Variants in XRCC1 observed in about 807,000 individuals in gnomAD.
The protein encoded by XRCC1 is X-ray repair cross complementing 1.
A neutral mutation model predicts 83.3 loss-of-function variants in XRCC1; 52 were observed. The observed-to-expected ratio is 0.62, with a 90% CI of 0.50 to 0.79. The LOEUF is 0.79. Ranked by LOEUF, XRCC1 falls within the 30% of genes least tolerant of loss-of-function variation. The pLI is 0.00. For missense variants in XRCC1, 793 were observed against 823.5 expected, an observed-to-expected ratio of 0.96 and a Z score of 0.45; for synonymous variants, 281 against 312.6, an observed-to-expected ratio of 0.90 and a Z score of 1.07.
Position 43,560,997 on chromosome 19 carries a change from G to A in XRCC1, c.168C>T (p.His56=), listed in dbSNP as rs2307185. ...AGCCATCATTCCCAATGTCCACACT[G>A]TGTATCTGCTCCTCCTTCTCCAACT... ...VLQLEKEEQI[H]SVDIGNDGSA... is the part of the protein sequence containing the mutation. The change falls in exon 3 of 17, where the codon CAC becomes CAT. Residue 56 remains histidine (H), a synonymous_variant. Transcript: ENST00000262887. 3.3e-5 allele frequency: 53 copies of A among 1,614,174 alleles called. No homozygotes were observed. In the South Asian group the frequency reaches 5.7e-4, roughly 17 times the overall value.
rs200434385 is a variant in XRCC1 at position 43,544,265 on chromosome 19, T to G, written c.1622-31A>C. On this transcript the variant is annotated intron_variant, in intron 14 of 16. Coordinates refer to ENST00000262887, the MANE Select transcript of XRCC1 (RefSeq NM_006297.3). Reference sequence around the variant, plus strand: ...GGAGAGAAGGGGGCTAAGGTAAGCATGAGGCCCCAGGAGTTCCCAGGCACC... The same window carrying G: ...GGAGAGAAGGGGGCTAAGGTAAGCAGGAGGCCCCAGGAGTTCCCAGGCACC... The G allele has an allele frequency of 6.0e-5, 95 of 1,575,776 alleles. No homozygotes were observed. In the East Asian group the frequency reaches 2.1e-3, roughly 35 times the overall value.
chr19:43,548,141 CTCCAGGAGGGAG>C (rs1972535717), intron 10 of XRCC1, among the ~76,000 whole-genome samples: 1 of 150,452 alleles, frequency 6.6e-6, no homozygotes, highest in African/African-American at 2.4e-5. Context: ...CCAGCCGCCC[CTCCAGGAGGGAG>C]GTGGGGGGCG....
In XRCC1 at chr19:43,560,951, C is replaced by T. The variant is rs751841215; in HGVS notation, c.214G>A (p.Val72Met). The T allele has an allele frequency of 1.2e-6, 2 of 1,614,232 alleles. No individual in the cohort carries two copies. Among genetic ancestry groups the T allele is most frequent in the Non-Finnish European group, 1.7e-6 (2 of 1,180,042 alleles). Residue 72 changes from valine (V) to methionine (M), a missense_variant, in exon 3 of 17, where the codon GTG becomes ATG. By Grantham distance (21) the Val-to-Met change is conservative (BLOSUM62 1). Transcript: ENST00000262887. ...NDGSAFVEVL[V>M]GSSAGGAGEQ... ...CCAGCGCCTCCAGCTGAACTGCCCA[C>T]CAGCACCTCCACGAAAGCTGAGCCA...
At chr19:43,564,290 C>CAA (rs1555770291) in intron 2 of XRCC1, among the ~76,000 whole-genome samples, 1 of 152,168 alleles carries the variant, frequency 6.6e-6, no homozygotes, top group Non-Finnish European at 1.5e-5. Flanking sequence ...AGTTACTACT[C>CAA]AAGAGTTATT....
At chr19:43,555,445 C>T (rs897060629) in intron 3 of XRCC1, 17 of 152,234 alleles carry the variant, frequency 1.1e-4, no homozygotes, top group African/African-American at 4.1e-4. Flanking sequence ...CTGTGAGCAT[C>T]ACCCCCAGTT....
chr19:43,543,553 G>A (rs368112519), intron 16 of XRCC1, 48 bp from the exon 17 acceptor site: 630 of 1,613,174 alleles, frequency 3.9e-4, no homozygotes, highest in Non-Finnish European at 5.1e-4. Context: ...TCGAGGGGAG[G>A]ACGGAGGAGA....
In XRCC1 at chr19:43,553,520, C is replaced by T. The variant is rs1972604333; in HGVS notation, c.490-8G>A. On this transcript the variant is annotated splice_polypyrimidine_tract_variant and splice_region_variant and intron_variant, in intron 5 of 16. Coordinates refer to ENST00000262887, the MANE Select transcript of XRCC1 (RefSeq NM_006297.3). The stretch of plus-strand genomic sequence containing the variant: ...CTTGGTCACTGTCACCTTCTAAGGT[C>T]CCGCAAGGTCAGTATTATAGGTGGG... 1 of 1,614,122 alleles carries T rather than the reference C, an allele frequency of 6.2e-7. No individual in the cohort carries two copies. Among genetic ancestry groups the T allele is most frequent in the South Asian group, 1.1e-5 (1 of 91,080 alleles).
At chr19:43,574,595 T>G in intron 2 of XRCC1, 1 of 312,704 alleles carries the variant, frequency 3.2e-6, no homozygotes, top group Admixed American at 4.0e-5. Flanking sequence ...CTTCCAGCCC[T>G]GAGCCCACTG....
chr19:43,570,918 C>T (rs1016956942), intron 2 of XRCC1, among the ~76,000 whole-genome samples: 4 of 152,214 alleles, frequency 2.6e-5, no homozygotes, highest in Non-Finnish European at 4.4e-5. Context: ...TAGTCATTGC[C>T]AGATGCAATC....
Position 43,545,973 on chromosome 19 carries a change from G to A in XRCC1, c.1482-16C>T, listed in dbSNP as rs1972504470. 5.6e-6 allele frequency: 9 copies of A among 1,613,658 alleles called. No individual in the cohort carries two copies. Among genetic ancestry groups the A allele is most frequent in the Non-Finnish European group, 7.6e-6 (9 of 1,179,852 alleles). On this transcript the variant is annotated splice_polypyrimidine_tract_variant and intron_variant, in intron 13 of 16. Coordinates refer to ENST00000262887, the MANE Select transcript of XRCC1 (RefSeq NM_006297.3). ...CTCTGCCACCCTGGGGGTGCCAAGA[G>A]GAGTAGAGAGTGAGCATGCAGAGCA...
chr19:43,575,033 G>C (rs747260439), intron 1 of XRCC1, 31 bp from the exon 2 acceptor site: 1 of 1,573,458 alleles, frequency 6.4e-7, no homozygotes. Flanking sequence ...GGAGAATTAG[G>C]GCACAGAGAT....
intron 4 of XRCC1, among the ~76,000 whole-genome samples, chr19:43,554,132 G>A (rs1451936505): frequency 6.6e-6 from 1 of 152,116 alleles, no homozygotes; most frequent in Non-Finnish European, 1.5e-5. Flanking sequence ...CACTCCCCAG[G>A]ACAGTTACCT....
chr19:43,554,361 T>C (rs1044320654), intron 4 of XRCC1, among the ~76,000 whole-genome samples: 9 of 152,192 alleles, frequency 5.9e-5, no homozygotes, highest in African/African-American at 2.2e-4. Context: ...TGTTAACTAC[T>C]AGGCCCACTC....
chr19:43,553,675 G>A lies in XRCC1; in HGVS notation c.423C>T (p.Pro141=), dbSNP rs780013118. 6.5e-7 allele frequency: 1 copy of A among 1,540,418 alleles called. No homozygotes were observed. The highest frequency in any genetic ancestry group is 1.2e-5 in the South Asian group (1 of 80,196). ...GAAACCGTACAAAACTCAAGCCAAA[G>A]GGGGAGTCCTGGGAAAGGAGGGGTG... ...VCSQPYSKDS[P]FGLSFVRFHS... The change falls in exon 5 of 17, where the codon CCC becomes CCT. Residue 141 remains proline, a synonymous_variant. Coordinates refer to ENST00000262887, the MANE Select transcript of XRCC1 (RefSeq NM_006297.3).
chr19:43,564,867 G>A (rs1972737262), intron 2 of XRCC1, among the ~76,000 whole-genome samples: 1 of 152,120 alleles, frequency 6.6e-6, no homozygotes, highest in Non-Finnish European at 1.5e-5. Flanking sequence ...GCCTTACAGG[G>A]CTAAAATCTA....
At chr19:43,561,697 T>C (rs2146062084) in intron 2 of XRCC1, among the ~76,000 whole-genome samples, 1 of 152,318 alleles carries the variant, frequency 6.6e-6, no homozygotes, top group East Asian at 1.9e-4. Flanking sequence ...AAGAGCTACC[T>C]ATAGGAGGGC....
chr19:43,549,145 T>C (rs1186323762), intron 10 of XRCC1, among the ~76,000 whole-genome samples: 1 of 152,194 alleles, frequency 6.6e-6, no homozygotes, highest in Non-Finnish European at 1.5e-5. Context: ...AATAGCAGGT[T>C]TACTTAACTT....
Position 43,543,758 on chromosome 19 carries a change from C to T in XRCC1, c.1713-71G>A, listed in dbSNP as rs1003323779. Reference sequence around the variant, plus strand: ...GCACTGACGTCCTACTCCCCAGCCACTCTCAATGGCTGTCCCCACACTGTC... The same window carrying T: ...GCACTGACGTCCTACTCCCCAGCCATTCTCAATGGCTGTCCCCACACTGTC... On this transcript the variant is annotated intron_variant, in intron 15 of 16. Coordinates refer to ENST00000262887, the MANE Select transcript of XRCC1 (RefSeq NM_006297.3). The T allele has an allele frequency of 1.4e-5, 20 of 1,397,662 alleles. No homozygotes were observed. In the Admixed American group the frequency reaches 1.5e-4, roughly 11 times the overall value. The allele number at this position is 1,397,662 out of a possible 1,614,324, so 86.6% of individuals were successfully genotyped here.
chr19:43,561,043 C>T (rs949974220), intron 2 of XRCC1, 23 bp from the exon 3 acceptor site: 13 of 1,563,402 alleles, frequency 8.3e-6, no homozygotes, highest in South Asian at 1.1e-5. Context: ...AGAGAGGCCA[C>T]TGTCAGTGCC....
Sources: gnomAD v4.1 joint callset for allele counts (sites outside exome capture counted in the v4.1 genomes callset) on GRCh38, gnomAD v4.1.1 for gene constraint, MANE v1.5 for transcripts, NCBI Gene and HGNC (gene_info 2026-07-23, HGNC 2026-07-21) for gene names.